Variants in ZCCHC10 observed in about 807,000 individuals in gnomAD.
ZCCHC10 encodes the protein zinc finger CCHC domain-containing protein 10.
In ZCCHC10, 16 loss-of-function variants were observed where a neutral mutation model predicts 19.5. The ratio of observed to expected loss-of-function variants is 0.82; its 90% CI spans 0.56 to 1.25. ZCCHC10 has a LOEUF of 1.25. Among genes scored for constraint, ZCCHC10 ranks in the 50% most tolerant of loss-of-function variants. ZCCHC10 has a pLI of 0.00. For synonymous variants in ZCCHC10, 67 were observed against 72.5 expected (o/e 0.92, Z 0.38); for missense variants, 197 against 201.0 (o/e 0.98, Z 0.12).
At chr5:133,017,397 T>C (rs1763996516) in intron 2 of ZCCHC10, among the ~76,000 whole-genome samples, 1 of 151,958 alleles carries the variant, frequency 6.6e-6, no homozygotes, top group African/African-American at 2.4e-5. Context: ...TGAGACAGTG[T>C]CTGACTCTGC....
intron 3 of ZCCHC10, among the ~76,000 whole-genome samples, chr5:133,005,916 G>C (rs908587923): frequency 6.6e-6 from 1 of 150,892 alleles, no homozygotes; most frequent in Non-Finnish European, 1.5e-5. Context: ...GAAGACTGTT[G>C]CCTTGAAAGT....
chr5:133,019,688 C>T (rs189533051), intron 2 of ZCCHC10, among the ~76,000 whole-genome samples: 129 of 152,290 alleles, frequency 8.5e-4, no homozygotes, highest in African/African-American at 1.6e-3. Flanking sequence ...GGTGCAGTGA[C>T]TCAGACCTGT....
chr5:133,012,932 T>C (rs948354239), intron 2 of ZCCHC10, among the ~76,000 whole-genome samples: 3 of 151,238 alleles, frequency 2.0e-5, no homozygotes, highest in African/African-American at 4.8e-5. Context: ...GTGCCTGTAG[T>C]CCCAGCTACT....
intron 1 of ZCCHC10, among the ~76,000 whole-genome samples, chr5:133,025,233 G>A (rs958196153): frequency 2.6e-5 from 4 of 151,932 alleles, no homozygotes; most frequent in Admixed American, 2.0e-4. Flanking sequence ...TGCCGCGCGC[G>A]GTAGCTCACG....
At chr5:133,014,332 T>G (rs1433664362) in intron 2 of ZCCHC10, among the ~76,000 whole-genome samples, 1 of 152,008 alleles carries the variant, frequency 6.6e-6, no homozygotes, top group African/African-American at 2.4e-5. Context: ...GCTAATTTTT[T>G]TTTGTATTTT....
intron 1 of ZCCHC10, among the ~76,000 whole-genome samples, 168 bp downstream of exon 1, chr5:133,026,329 C>G (rs1363614414): frequency 6.6e-6 from 1 of 152,236 alleles, no homozygotes; most frequent in Non-Finnish European, 1.5e-5. Context: ...AAATCGCTAA[C>G]CCCCGGTCAC....
At chr5:133,003,243 T>C in intron 3 of ZCCHC10, 1 of 430,374 alleles carries the variant, frequency 2.3e-6, no homozygotes, top group Non-Finnish European at 4.6e-6. Context: ...TCAATCCAGA[T>C]GTTTGTTGGG....
chr5:133,008,672 C>T (rs1255849902), intron 2 of ZCCHC10, among the ~76,000 whole-genome samples: 2 of 151,966 alleles, frequency 1.3e-5, no homozygotes, highest in African/African-American at 2.4e-5. Context: ...TGAGACCAGC[C>T]AGGCAGGACA....
intron 2 of ZCCHC10, among the ~76,000 whole-genome samples, chr5:133,020,208 T>C (rs1301663936): frequency 6.6e-6 from 1 of 151,824 alleles, no homozygotes; most frequent in Non-Finnish European, 1.5e-5. Flanking sequence ...TTCACACTTG[T>C]AATATCCCAG....
intron 2 of ZCCHC10, among the ~76,000 whole-genome samples, chr5:133,007,190 C>A (rs1427307521): frequency 6.6e-6 from 1 of 152,074 alleles, no homozygotes; most frequent in Non-Finnish European, 1.5e-5. Context: ...AGGGGCAAGT[C>A]TTTCCTGTGC....
chr5:133,020,832 T>G (rs2126647736), intron 2 of ZCCHC10, among the ~76,000 whole-genome samples: 1 of 152,000 alleles, frequency 6.6e-6, no homozygotes. Context: ...GCCATTCTCC[T>G]GCCTCAGCCT....
chr5:133,009,613 C>CA (rs59555378), intron 2 of ZCCHC10, among the ~76,000 whole-genome samples: 2,113 of 55,250 alleles, frequency 0.038, 136 homozygotes, highest in African/African-American at 0.11. Context: ...GACTCCGTCT[C>CA]AAAAAAAAAA....
intron 4 of ZCCHC10, among the ~76,000 whole-genome samples, chr5:132,999,766 G>T (rs1439221519): frequency 6.6e-6 from 1 of 151,106 alleles, no homozygotes; most frequent in African/African-American, 2.4e-5. Flanking sequence ...ATTTTTTTTT[G>T]AGACAGAGTT....
intron 2 of ZCCHC10, 85 bp downstream of exon 2, chr5:133,022,756 T>G: frequency 4.6e-6 from 2 of 432,348 alleles, no homozygotes; most frequent in South Asian, 1.1e-4. Context: ...CCGGCCTTGT[T>G]CAACATTTTT....
intron 2 of ZCCHC10, among the ~76,000 whole-genome samples, chr5:133,015,360 G>A (rs1763854055): frequency 6.6e-6 from 1 of 152,076 alleles, no homozygotes; most frequent in African/African-American, 2.4e-5. Context: ...ATTACAGGCA[G>A]AAGCCACCGC....
chr5:133,023,445 C>T (rs1157253532), intron 1 of ZCCHC10, among the ~76,000 whole-genome samples: 1 of 144,860 alleles, frequency 6.9e-6, no homozygotes, highest in Non-Finnish European at 1.5e-5. Flanking sequence ...CCGTCTTCTT[C>T]TATTAGTCCA....
chr5:133,025,104 G>A (rs913866622), intron 1 of ZCCHC10, among the ~76,000 whole-genome samples: 1 of 152,042 alleles, frequency 6.6e-6, no homozygotes, highest in African/African-American at 2.4e-5. Flanking sequence ...ACATATACTA[G>A]CAGACTCTGA....
intron 1 of ZCCHC10, among the ~76,000 whole-genome samples, chr5:133,025,022 T>C (rs66709451): frequency 0.05 from 7,510 of 151,662 alleles, 564 homozygotes; most frequent in East Asian, 0.29. Flanking sequence ...CCTGAAAGGG[T>C]AGATGGAAAG....
intron 1 of ZCCHC10, among the ~76,000 whole-genome samples, chr5:133,023,396 G>A (rs73268630): frequency 0.019 from 2,929 of 150,542 alleles, 102 homozygotes; most frequent in African/African-American, 0.068. Flanking sequence ...GTCTCCGAAA[G>A]ATCTACTGAA....
Sources: gnomAD v4.1 joint callset for allele counts (sites outside exome capture counted in the v4.1 genomes callset) on GRCh38, gnomAD v4.1.1 for gene constraint, MANE v1.5 for transcripts, NCBI Gene and HGNC (gene_info 2026-07-23, HGNC 2026-07-21) for gene names.